The following PDE7B variants were observed in gnomAD, a reference collection of about 807,000 sequenced individuals.
PDE7B encodes phosphodiesterase 7B, also known as 3',5'-cyclic-AMP phosphodiesterase 7B.
A neutral mutation model predicts 56.2 loss-of-function variants in PDE7B; 29 were observed. The observed-to-expected ratio is 0.52, with a 90% confidence interval of 0.38 to 0.70. The LOEUF is 0.70. PDE7B is among the 30% of genes least tolerant of loss of function. PDE7B has a pLI of 0.00. For synonymous variants in PDE7B, 197 were observed against 196.9 expected (o/e 1.00, Z 0.00); for missense variants, 490 against 565.0 (o/e 0.87, Z 1.35).
intron 2 of PDE7B, among the ~76,000 whole-genome samples, chr6:136,062,849 A>C (rs1489688154): frequency 6.6e-6 from 1 of 152,180 alleles, no homozygotes; most frequent in Non-Finnish European, 1.5e-5. Context: ...CTAGGCATGC[A>C]CTAGAATCTA....
chr6:135,924,523 T>C (rs1365426896), intron 1 of PDE7B, among the ~76,000 whole-genome samples: 3 of 151,950 alleles, frequency 2.0e-5, no homozygotes, highest in African/African-American at 7.3e-5. Context: ...CAAACTCAGG[T>C]CTTCTGGTAG....
intron 8 of PDE7B, among the ~76,000 whole-genome samples, chr6:136,172,766 A>G (rs1376335719): frequency 1.3e-5 from 2 of 152,074 alleles, no homozygotes; most frequent in Non-Finnish European, 2.9e-5. Flanking sequence ...TTATGGTTTT[A>G]GGTCTAACGT....
chr6:135,946,606 G>T (rs543975434), intron 1 of PDE7B, among the ~76,000 whole-genome samples: 58 of 152,128 alleles, frequency 3.8e-4, no homozygotes, highest in African/African-American at 1.4e-3. Flanking sequence ...TTGATGAGTT[G>T]AAAATAAACC....
In PDE7B at chr6:136,074,230, C is replaced by CA. The variant is rs11339717; in HGVS notation, c.83-34488dup. ...CCTGGGTGACAGAGAGACCTTGTCT[C>CA]AAAAAAAAAAAAAGGCGGGGGGGAT... On this transcript the variant is annotated intron_variant, in intron 2 of 12. Transcript: ENST00000308191. Among the ~76,000 whole-genome samples the CA allele has an allele frequency of 2.3e-3, 271 of 120,350 alleles. 1 individual carries two copies. The Middle Eastern group carries it at 0.027, about 12-fold the overall frequency. 79.0% of individuals were successfully genotyped at this position (120,350 alleles called of 152,430 possible).
chr6:135,892,171 G>GA (rs1268385218), intron 1 of PDE7B, among the ~76,000 whole-genome samples: 1 of 152,114 alleles, frequency 6.6e-6, no homozygotes, highest in Non-Finnish European at 1.5e-5. Context: ...GGTATTTGTA[G>GA]AAATAAGTCT....
chr6:135,893,590 T>A (rs1247588468), intron 1 of PDE7B, among the ~76,000 whole-genome samples: 1 of 152,092 alleles, frequency 6.6e-6, no homozygotes, highest in Non-Finnish European at 1.5e-5. Flanking sequence ...TCAACCATTG[T>A]GGAAGTCAGT....
intron 2 of PDE7B, among the ~76,000 whole-genome samples, chr6:136,048,532 T>C (rs1484682226): frequency 1.3e-5 from 2 of 151,944 alleles, no homozygotes; most frequent in Non-Finnish European, 2.9e-5. Context: ...GGCCAAGTTA[T>C]GGGGTATAAA....
At chr6:136,056,520 T>A in intron 2 of PDE7B, among the ~76,000 whole-genome samples, 2 of 105,706 alleles carry the variant, frequency 1.9e-5, no homozygotes, top group East Asian at 5.6e-4. Flanking sequence ...TCCTTTTTTT[T>A]TTTTTTTTTT....
At chr6:136,074,157 C>T (rs1449184347) in intron 2 of PDE7B, among the ~76,000 whole-genome samples, 1 of 150,712 alleles carries the variant, frequency 6.6e-6, no homozygotes, top group Non-Finnish European at 1.5e-5. Context: ...CATTTGAACC[C>T]AGGAGGTGGA....
chr6:136,163,074 C>G (rs558349832), intron 8 of PDE7B, among the ~76,000 whole-genome samples: 1 of 152,328 alleles, frequency 6.6e-6, no homozygotes, highest in Admixed American at 6.5e-5. Context: ...GACAGTGGCC[C>G]TCTTCTCACA....
chr6:136,102,930 A>C (rs755481289), intron 2 of PDE7B, among the ~76,000 whole-genome samples: 4 of 152,204 alleles, frequency 2.6e-5, no homozygotes, highest in Non-Finnish European at 5.9e-5. Flanking sequence ...GGCGACTCTA[A>C]CTTAGTGAAA....
intron 2 of PDE7B, among the ~76,000 whole-genome samples, chr6:136,031,154 TTGC>T (rs1401343701): frequency 6.6e-6 from 1 of 152,244 alleles, no homozygotes; most frequent in Non-Finnish European, 1.5e-5. Flanking sequence ...ACTGGGATGG[TTGC>T]TGCATTTTCT....
chr6:136,122,086 C>A (rs865842733), intron 3 of PDE7B, among the ~76,000 whole-genome samples: 102 of 152,154 alleles, frequency 6.7e-4, no homozygotes, highest in Middle Eastern at 3.4e-3. Flanking sequence ...AGCTCCGCCT[C>A]CCGGGTTCAC....
intron 8 of PDE7B, among the ~76,000 whole-genome samples, chr6:136,170,680 C>G (rs1778863985): frequency 6.6e-6 from 1 of 152,130 alleles, no homozygotes; most frequent in Non-Finnish European, 1.5e-5. Flanking sequence ...CTATGAAAGT[C>G]AAGATAGAGG....
At position 136,195,479 on chromosome 6, in the gene PDE7B, A is replaced by ACT. The variant is rs1779301097; in HGVS notation, c.*3639_*3640insCT. ...TGAAAAAAAAAAAAAAAAAAAAAAG[A>ACT]ACTACCTTGTGAGTTTTGCTCAAAA... On this transcript the variant is annotated 3_prime_UTR_variant, in exon 13 of 13. Transcript: ENST00000308191. The ACT allele has an allele frequency of 6.8e-6, 1 of 148,056 alleles. No individual in the cohort carries two copies. The highest frequency in any genetic ancestry group is 2.6e-5 in the African/African-American group (1 of 38,842). 9.2% of individuals were successfully genotyped at this position (148,056 alleles called of 1,614,324 possible).
chr6:135,878,586 T>G (rs1044921921), intron 1 of PDE7B, among the ~76,000 whole-genome samples: 5 of 152,206 alleles, frequency 3.3e-5, no homozygotes, highest in African/African-American at 1.2e-4. Flanking sequence ...CGTATGCTTG[T>G]ATATCTTTGG....
At chr6:136,001,798 T>C (rs1562465381) in intron 2 of PDE7B, among the ~76,000 whole-genome samples, 1 of 152,116 alleles carries the variant, frequency 6.6e-6, no homozygotes. Context: ...CCAGGAGAAC[T>C]TCCCCAATCT....
chr6:136,104,828 C>T (rs1777622271), intron 2 of PDE7B, among the ~76,000 whole-genome samples: 1 of 152,096 alleles, frequency 6.6e-6, no homozygotes, highest in South Asian at 2.1e-4. Context: ...TTTACTACAC[C>T]AAAGGGGCAT....
At chr6:136,107,473 G>A (rs1044288612) in intron 2 of PDE7B, among the ~76,000 whole-genome samples, 3 of 151,884 alleles carry the variant, frequency 2.0e-5, no homozygotes, top group Non-Finnish European at 4.4e-5. Context: ...AATCCACTAA[G>A]TACCAGACAG....
Sources: allele counts gnomAD v4.1 joint callset (sites outside exome capture counted in the v4.1 genomes callset), GRCh38; gene constraint gnomAD v4.1.1; transcripts MANE v1.5; gene names NCBI Gene and HGNC (gene_info 2026-07-23, HGNC 2026-07-21).